RNF14: variants seen among roughly 807,000 people sequenced by gnomAD.
RNF14 encodes the protein E3 ubiquitin-protein ligase RNF14.
A neutral mutation model predicts 52.6 loss-of-function variants in RNF14; 26 were observed. That is an observed-to-expected ratio of 0.49 (90% CI 0.36 to 0.69). RNF14 has a LOEUF of 0.69. Ranked by LOEUF, RNF14 falls within the 30% of genes least tolerant of loss-of-function variation. The probability of loss-of-function intolerance (pLI) is 0.00; values close to 1 mark genes in which losing one functional copy is unlikely to be tolerated. For missense variants in RNF14, 404 were observed against 560.4 expected (o/e 0.72, Z 2.82); for synonymous variants, 194 against 202.0 (o/e 0.96, Z 0.34).
rs191959168 is a variant in RNF14, at chr5:141,980,843, G to A, written c.1063+492G>A. ...TGTAGATCCTGGATGGCCAATGCAGGGCATCTAAGCTGCCATTCTTGTCTC... is the reference window on the plus strand; with the variant it reads ...TGTAGATCCTGGATGGCCAATGCAGAGCATCTAAGCTGCCATTCTTGTCTC... On this transcript the variant is annotated intron_variant, in intron 6 of 8. Transcript: ENST00000394520. Among the ~76,000 whole-genome samples, 14 of 152,170 alleles carry A rather than the reference G, an allele frequency of 9.2e-5. No individual in the cohort carries two copies. The East Asian group carries it at 2.7e-3, about 29-fold the overall frequency.
At chr5:141,957,599 A>G (rs908791064), upstream of RNF14, 1 of 1,614,180 alleles carries the variant, frequency 6.2e-7, no homozygotes, top group African/African-American at 1.3e-5. The surrounding 1 kb of genome is among the most constrained non-coding windows in gnomAD (Gnocchi z 4.3). Context: ...GTGCTGAGCA[A>G]GCCTTCCTCA....
At position 141,978,453 on chromosome 5, in the gene RNF14, A is replaced by G. The variant is rs1754454665; in HGVS notation, c.457A>G (p.Lys153Glu). The change falls in exon 5 of 9, where the codon AAA (lysine) becomes GAA (glutamate). Residue 153 changes from lysine to glutamate, a missense_variant. Physicochemically the swap from Lys to Glu is moderately conservative, Grantham distance 56. Coordinates refer to ENST00000394520, the MANE Select transcript of RNF14 (RefSeq NM_004290.5). ...TGAGCTCAAGATTGGTTCTCAGAAAAAAGTGCAGAGAAGGACAGCTCAAGC... is the reference window on the plus strand; with the variant it reads ...TGAGCTCAAGATTGGTTCTCAGAAAGAAGTGCAGAGAAGGACAGCTCAAGC... ...PFELKIGSQK[K>E]VQRRTAQASP... 6.2e-7 allele frequency: 1 copy of G among 1,614,214 alleles called. No individual in the cohort carries two copies.
At chr5:141,959,590 T>C (rs1753238482) in intron 1 of RNF14, among the ~76,000 whole-genome samples, 1 of 152,208 alleles carries the variant, frequency 6.6e-6, no homozygotes, top group Non-Finnish European at 1.5e-5. Context: ...TGGACCCAAG[T>C]GGCACTAGTC....
chr5:141,963,462 G>T (rs1258695312), upstream of RNF14, among the ~76,000 whole-genome samples: 1 of 149,402 alleles, frequency 6.7e-6, no homozygotes, highest in African/African-American at 2.5e-5. Flanking sequence ...CAAACATATT[G>T]ACTGGGAGCA....
upstream of RNF14, chr5:141,957,692 C>T (rs1290680761): frequency 2.0e-5 from 32 of 1,614,200 alleles, no homozygotes; most frequent in Non-Finnish European, 2.5e-5. This position sits in a 1 kb window ranked among gnomAD's most constrained non-coding sequence, Gnocchi z 4.3. Context: ...TCCTCCCGGC[C>T]CAGTTCCTGG....
intron 3 of RNF14, 85 bp downstream of exon 3, chr5:141,973,827 G>A (rs2126990266): frequency 8.2e-7 from 1 of 1,218,398 alleles, no homozygotes; most frequent in Non-Finnish European, 1.1e-6. Context: ...TTGTGTTTTA[G>A]GCATTAGTGA....
intron 6 of RNF14, among the ~76,000 whole-genome samples, chr5:141,982,447 T>C (rs997029506): frequency 6.6e-6 from 1 of 152,192 alleles, no homozygotes; most frequent in African/African-American, 2.4e-5. Context: ...AAGATGTCTT[T>C]TGCTTTAAAA....
chr5:141,987,025 C>T (rs946930083), intron 8 of RNF14, among the ~76,000 whole-genome samples: 3 of 152,176 alleles, frequency 2.0e-5, no homozygotes, highest in Non-Finnish European at 4.4e-5. Context: ...GGTCAGTGGT[C>T]TATTGGCAGG....
rs149426962 is a variant in RNF14, at chr5:141,987,778, G to C, written c.1413G>C (p.Glu471Asp). ...VDVDDDIWED[E>D]VED is the part of the protein sequence containing the mutation. Reference sequence around the variant, plus strand: ...TTGACGACGATATTTGGGAAGATGAGGTAGAAGACTAGTTAACTACTGCTC... The same window carrying C: ...TTGACGACGATATTTGGGAAGATGACGTAGAAGACTAGTTAACTACTGCTC... The change falls in exon 9 of 9, where the codon GAG (glutamate) becomes GAC (aspartate). Residue 471 changes from glutamate to aspartate, a missense_variant. Transcript: ENST00000394520. 1.1e-5 allele frequency: 17 copies of C among 1,613,458 alleles called. No homozygotes were observed. The African/African-American group carries it at 1.6e-4, about 15-fold the overall frequency.
chr5:141,968,924 A>G (rs1049057400), upstream of RNF14: 4 of 152,198 alleles, frequency 2.6e-5, no homozygotes, highest in Non-Finnish European at 5.9e-5. Context: ...AACTACTGAA[A>G]AGAGCCTCCT....
At chr5:141,955,156 G>A (rs61737140), upstream of RNF14, 2,705 of 1,614,214 alleles carry the variant, frequency 1.7e-3, 54 homozygotes, top group African/African-American at 0.032. The surrounding 1 kb of genome is among the most constrained non-coding windows in gnomAD (Gnocchi z 5.5). Flanking sequence ...CCTCTGTGGG[G>A]CTTCCTCACT....
At chr5:141,949,378 G>A in the RNF14 span, 1 of 1,557,602 alleles carries the variant, frequency 6.4e-7, no homozygotes, top group Non-Finnish European at 8.7e-7. Context: ...GAACTCTGAA[G>A]CTTGGACACC....
At chr5:141,976,877 C>G (rs1484348877) in intron 4 of RNF14, among the ~76,000 whole-genome samples, 1 of 149,374 alleles carries the variant, frequency 6.7e-6, no homozygotes, top group Non-Finnish European at 1.5e-5. Context: ...CAACCTCTGC[C>G]TAGTGGGTTC....
At chr5:141,986,714 A>T (rs1755267853) in intron 8 of RNF14, among the ~76,000 whole-genome samples, 2 of 152,358 alleles carry the variant, frequency 1.3e-5, no homozygotes, top group Admixed American at 6.5e-5. Context: ...TGGGAAGCAT[A>T]GCCTTCAGCC....
chr5:141,977,550 C>T (rs569867993), intron 4 of RNF14, among the ~76,000 whole-genome samples: 4 of 152,236 alleles, frequency 2.6e-5, no homozygotes, highest in African/African-American at 4.8e-5. Context: ...TTGAACAGAC[C>T]ACTTTTAAAG....
chr5:141,978,635 TA>T lies in RNF14; in HGVS notation c.641del (p.Asn214IlefsTer34), dbSNP rs777699128. On this transcript the variant is annotated frameshift_variant, in exon 5 of 9. Transcript: ENST00000394520. LOFTEE classifies it high-confidence loss of function. ...FDQAQQIKCF[N>X]SKLFLCSICF... is the part of the protein sequence containing the mutation. ...ATCAAGCTCAGCAGATAAAATGCTT[TA>T]ATAGTAAATTGTTCCTGTGCAGTAT... 1 of 1,614,000 alleles carries T rather than the reference TA, an allele frequency of 6.2e-7. No homozygotes were observed. Among genetic ancestry groups the T allele is most frequent in the Non-Finnish European group, 8.5e-7 (1 of 1,179,860 alleles).
chr5:141,949,707 A>C, the RNF14 span: 2 of 1,103,736 alleles, frequency 1.8e-6, no homozygotes, highest in African/African-American at 3.2e-5. Context: ...TGGCCTCTAG[A>C]GTCAGACCAA....
chr5:141,981,841 G>C (rs994242359), intron 6 of RNF14, among the ~76,000 whole-genome samples: 1 of 150,252 alleles, frequency 6.7e-6, no homozygotes, highest in Non-Finnish European at 1.5e-5. Context: ...GACAGAGTGG[G>C]ACCCTGTCTC....
At chr5:141,959,150 C>T (rs1194843387) in intron 1 of RNF14, 1 of 152,332 alleles carries the variant, frequency 6.6e-6, no homozygotes, top group Non-Finnish European at 1.5e-5. Flanking sequence ...GCCTCCCACT[C>T]CTCTTGGAAG....
Sources: gnomAD v4.1 joint callset for allele counts (sites outside exome capture counted in the v4.1 genomes callset) on GRCh38, gnomAD v4.1.1 for gene constraint, Gnocchi (gnomAD v3.1) non-coding constraint, MANE v1.5 for transcripts, NCBI Gene and HGNC (gene_info 2026-07-23, HGNC 2026-07-21) for gene names.